Variants in IL22RA2 observed in about 807,000 individuals in gnomAD.
IL22RA2 encodes the protein interleukin 22 receptor subunit alpha 2.
In IL22RA2, 39 loss-of-function variants were observed where a neutral mutation model predicts 30.7. That is an observed-to-expected ratio of 1.27 (90% CI 0.98 to 1.66). The LOEUF (loss-of-function observed/expected upper bound fraction) is 1.66, where lower values mean the gene tolerates loss of function less well. Among genes scored for constraint, IL22RA2 ranks in the 40% most tolerant of loss-of-function variants. IL22RA2 has a pLI of 0.00. For missense variants in IL22RA2, 315 were observed against 312.7 expected (o/e 1.01, Z -0.05); for synonymous variants, 103 against 105.0 (o/e 0.98, Z 0.11).
intron 1 of IL22RA2, among the ~76,000 whole-genome samples, chr6:137,166,506 G>A (rs1233485673): frequency 6.6e-6 from 1 of 152,200 alleles, no homozygotes; most frequent in East Asian, 1.9e-4. Flanking sequence ...CAAGGCCAGA[G>A]AAAACAGAAA....
At chr6:137,154,501 G>A (rs901983038) in intron 5 of IL22RA2, among the ~76,000 whole-genome samples, 4 of 152,116 alleles carry the variant, frequency 2.6e-5, no homozygotes, top group East Asian at 1.9e-4. Flanking sequence ...TGTAATCCTA[G>A]CTACTCGGGA....
chr6:137,158,444 C>G lies in IL22RA2; in HGVS notation c.100G>C (p.Val34Leu). The G allele has an allele frequency of 6.2e-7, 1 of 1,614,002 alleles. No individual in the cohort carries two copies. The highest frequency in any genetic ancestry group is 1.1e-5 in the South Asian group (1 of 91,070). Residue 34 changes from valine to leucine, a missense_variant, in exon 3 of 7, where the codon GTA (valine) becomes CTA (leucine). Transcript: ENST00000296980. The part of the protein sequence containing the change: ...STHESLKPQR[V>L]QFQSRNFHNI... Reference sequence around the variant, plus strand: ...TGAAAATTTCGGGACTGAAATTGTACCCTCTGAGGCTTCAGAGACTCATGC... The same window carrying G: ...TGAAAATTTCGGGACTGAAATTGTAGCCTCTGAGGCTTCAGAGACTCATGC...
At chr6:137,160,310 T>C (rs764013016) in intron 2 of IL22RA2, among the ~76,000 whole-genome samples, 5 of 152,246 alleles carry the variant, frequency 3.3e-5, no homozygotes, top group African/African-American at 7.2e-5. Flanking sequence ...GGGACTTTTA[T>C]CTGCATTCAC....
At chr6:137,157,924 T>A (rs1182668222) in intron 3 of IL22RA2, among the ~76,000 whole-genome samples, 2 of 152,186 alleles carry the variant, frequency 1.3e-5, no homozygotes, top group Non-Finnish European at 2.9e-5. Flanking sequence ...GAAAGTGACT[T>A]TTAAATTAAA....
At chr6:137,155,970 C>T (rs1778397612) in intron 4 of IL22RA2, among the ~76,000 whole-genome samples, 1 of 152,188 alleles carries the variant, frequency 6.6e-6, no homozygotes, top group African/African-American at 2.4e-5. Flanking sequence ...GTGGCTGCTT[C>T]TGAGAAGTTG....
chr6:137,152,391 A>G (rs932376895), intron 5 of IL22RA2, among the ~76,000 whole-genome samples: 1 of 152,228 alleles, frequency 6.6e-6, no homozygotes, highest in East Asian at 1.9e-4. Flanking sequence ...TGGTCACAAA[A>G]AAGAATGAAG....
rs1778335869 is a variant in IL22RA2, at chr6:137,153,547, C to T, written c.472+1394G>A. Among the ~76,000 whole-genome samples the T allele has an allele frequency of 3.9e-5, 6 of 152,134 alleles. No homozygotes were observed. The South Asian group carries it at 1.2e-3, about 31-fold the overall frequency. ...ATGTTTTTGTTTCCCATATGCTTGG[C>T]CTTGAATTCTTCTGGTTTATAACAA... On this transcript the variant is annotated intron_variant, in intron 5 of 6. Coordinates refer to ENST00000296980, the MANE Select transcript of IL22RA2 (RefSeq NM_052962.3).
In IL22RA2 at chr6:137,164,109, A is replaced by G. The variant is rs149052460; in HGVS notation, c.-65-2295T>C. ...TCACAAGGGAGGAAACAGGAGGAAA[A>G]GCGTCAAAGCCTATTCCACTGGAGT... On this transcript the variant is annotated intron_variant, in intron 1 of 6. Transcript: ENST00000296980. Among the ~76,000 whole-genome samples, 258 of 152,304 alleles carry G rather than the reference A, an allele frequency of 1.7e-3. 4 individuals carry two copies. The East Asian group carries it at 0.042, about 25-fold the overall frequency.
chr6:137,145,669 G>A lies in IL22RA2; in HGVS notation c.747C>T (p.Asp249=), dbSNP rs1487754593. Residue 249 remains aspartate, a synonymous_variant, in exon 7 of 7, where the codon GAC becomes GAT. Transcript: ENST00000296980. ...VVAEIYQPML[D]RRSQRSEERC... is the part of the protein sequence containing the mutation. The stretch of plus-strand genomic sequence containing the variant: ...TCTCTTCACTTCTCTGACTTCTTCT[G>A]TCTAACATGGGCTGATATATTTCAG... The A allele has an allele frequency of 5.6e-6, 9 of 1,612,486 alleles. No individual in the cohort carries two copies. Among genetic ancestry groups the A allele is most frequent in the Non-Finnish European group, 5.1e-6 (6 of 1,179,338 alleles).
rs1334318038 is a variant in IL22RA2 at position 137,144,307 on chromosome 6, C to T, written c.*1317G>A. 2 of 152,124 alleles carry T rather than the reference C, an allele frequency of 1.3e-5. No homozygotes were observed. The highest frequency in any genetic ancestry group is 2.9e-5 in the Non-Finnish European group (2 of 68,018). 9.4% of individuals were successfully genotyped at this position (152,124 alleles called of 1,614,324 possible). On this transcript the variant is annotated 3_prime_UTR_variant, in exon 7 of 7. Transcript: ENST00000296980. Reference sequence around the variant, plus strand: ...TTGCTCTGCCTCTTATTCTCCTCCACCCCCCAATACATTTCTGAATATTTT... The same window carrying T: ...TTGCTCTGCCTCTTATTCTCCTCCATCCCCCAATACATTTCTGAATATTTT...
intron 1 of IL22RA2, among the ~76,000 whole-genome samples, chr6:137,171,350 G>A (rs974091856): frequency 6.6e-6 from 1 of 152,164 alleles, no homozygotes; most frequent in African/African-American, 2.4e-5. Flanking sequence ...TTAAATGGGA[G>A]ATGAAAAGTT....
In IL22RA2 at chr6:137,145,687, T is replaced by C. The variant is rs754727260; in HGVS notation, c.729A>G (p.Ile243Met). 7.4e-6 allele frequency: 12 copies of C among 1,613,568 alleles called. No homozygotes were observed. The highest frequency in any genetic ancestry group is 6.7e-5 in the African/African-American group (5 of 74,942). The change falls in exon 7 of 7, where the codon ATA becomes ATG. Residue 243 changes from isoleucine to methionine, a missense_variant. Physicochemically the swap from Ile to Met is conservative, Grantham distance 10. Transcript: ENST00000296980. Reference protein sequence around the residue: ...PHSSYCVVAEIYQPMLDRRSQ... With the variant: ...PHSSYCVVAEMYQPMLDRRSQ... ...TTCTTCTGTCTAACATGGGCTGATATATTTCAGCCACTACACAGTAGCTGG... is the reference window on the plus strand; with the variant it reads ...TTCTTCTGTCTAACATGGGCTGATACATTTCAGCCACTACACAGTAGCTGG...
intron 2 of IL22RA2, among the ~76,000 whole-genome samples, chr6:137,159,530 G>A (rs1056677210): frequency 6.6e-6 from 1 of 151,972 alleles, no homozygotes. Flanking sequence ...GCCATGTTGG[G>A]CAGGCTGGTC....
At position 137,147,758 on chromosome 6, in the gene IL22RA2, T is replaced by C. The variant is rs1473647512; in HGVS notation, c.606A>G (p.Leu202=). ...NVSIEDYYEL[L]YRVFIINNSL... ...AATTGTTAATTATAAAAACTCGGTATAGTAGTTCATAGTAATCTTCTATAG... is the reference window on the plus strand; with the variant it reads ...AATTGTTAATTATAAAAACTCGGTACAGTAGTTCATAGTAATCTTCTATAG... Residue 202 remains leucine (L), a synonymous_variant, in exon 6 of 7, where the codon CTA becomes CTG. Coordinates refer to ENST00000296980, the MANE Select transcript of IL22RA2 (RefSeq NM_052962.3). 1.3e-6 allele frequency: 2 copies of C among 1,588,326 alleles called. No individual in the cohort carries two copies. The highest frequency in any genetic ancestry group is 1.1e-5 in the South Asian group (1 of 89,726).
rs1455130934 is a variant in IL22RA2 at position 137,144,343 on chromosome 6, T to C, written c.*1281A>G. ...ATTTCTGAATATTTTTTAATCCATTTATCACTGAGTACTTGCATATAACTA... is the reference window on the plus strand; with the variant it reads ...ATTTCTGAATATTTTTTAATCCATTCATCACTGAGTACTTGCATATAACTA... On this transcript the variant is annotated 3_prime_UTR_variant, in exon 7 of 7. Coordinates refer to ENST00000296980, the MANE Select transcript of IL22RA2 (RefSeq NM_052962.3). 6.6e-6 allele frequency: 1 copy of C among 152,244 alleles called. No homozygotes were observed. Among genetic ancestry groups the C allele is most frequent in the African/African-American group, 2.4e-5 (1 of 41,456 alleles). 9.4% of individuals were successfully genotyped at this position (152,244 alleles called of 1,614,324 possible).
rs778309741 is a variant in IL22RA2 at position 137,145,322 on chromosome 6, G to T, written c.*302C>A. On this transcript the variant is annotated 3_prime_UTR_variant, in exon 7 of 7. Coordinates refer to ENST00000296980, the MANE Select transcript of IL22RA2 (RefSeq NM_052962.3). ...AAATTTTTATTTTGCTGTATTAGAA[G>T]AATGAAGGTTGTTATTAGGGATGTT... The T allele has an allele frequency of 2.1e-4, 47 of 221,638 alleles. No individual in the cohort carries two copies. The highest frequency in any genetic ancestry group is 3.6e-4 in the Admixed American group (6 of 16,732). 13.7% of individuals were successfully genotyped at this position (221,638 alleles called of 1,614,324 possible). A position where few individuals can be genotyped will look rare whatever the true frequency, so the allele number is the denominator to read the frequency against.
At chr6:137,164,293 G>A (rs915425910) in intron 1 of IL22RA2, among the ~76,000 whole-genome samples, 4 of 152,098 alleles carry the variant, frequency 2.6e-5, no homozygotes, top group South Asian at 2.1e-4. Context: ...CGAGTGTTTC[G>A]GGTGGTCACC....
chr6:137,158,254 GA>G (rs965673747), intron 3 of IL22RA2, 92 bp downstream of exon 3: 9 of 1,492,388 alleles, frequency 6.0e-6, no homozygotes, highest in African/African-American at 4.2e-5. Context: ...CTCTGAAACT[GA>G]AAAAAAGCTC....
rs530865595 is a variant in IL22RA2, at chr6:137,150,074, T to C, written c.473-2183A>G. The stretch of plus-strand genomic sequence containing the variant: ...CTGCTTTTAACTGAAGAAAGTTTAC[T>C]TTGTTTTATTTTATTTTTAAAATCT... On this transcript the variant is annotated intron_variant, in intron 5 of 6. Coordinates refer to ENST00000296980, the MANE Select transcript of IL22RA2 (RefSeq NM_052962.3). 2.6e-5 allele frequency among the ~76,000 whole-genome samples: 4 copies of C among 152,360 alleles called. No individual in the cohort carries two copies. The South Asian group carries it at 6.2e-4, about 24-fold the overall frequency.
Sources: allele counts gnomAD v4.1 joint callset (sites outside exome capture counted in the v4.1 genomes callset), GRCh38; gene constraint gnomAD v4.1.1; transcripts MANE v1.5; gene names NCBI Gene and HGNC (gene_info 2026-07-23, HGNC 2026-07-21).